The following UBR4 variants were observed in gnomAD, a reference collection of about 807,000 sequenced individuals.
UBR4 encodes the protein E3 ubiquitin-protein ligase UBR4.
Under a neutral mutation model 575.6 loss-of-function variants are expected in UBR4, and 124 were observed. That is an observed-to-expected ratio of 0.22 (90% CI 0.19 to 0.25). The LOEUF (loss-of-function observed/expected upper bound fraction) is 0.25, where lower values mean the gene tolerates loss of function less well. UBR4 is among the 10% of genes least tolerant of loss of function. The pLI is 1.00. For missense variants in UBR4, 4,818 were observed against 6,478.8 expected, an observed-to-expected ratio of 0.74 and a Z score of 8.80; for synonymous variants, 2,455 against 2,473.7, an observed-to-expected ratio of 0.99 and a Z score of 0.22.
At chr1:19,114,339 A>G (rs2080236080) in intron 75 of UBR4, among the ~76,000 whole-genome samples, 1 of 152,256 alleles carries the variant, frequency 6.6e-6, no homozygotes, top group Non-Finnish European at 1.5e-5. Context: ...TATGGCTGGA[A>G]TTAGAATTTC....
At chr1:19,076,705 G>A (rs539926656) in intron 105 of UBR4, 35 bp downstream of exon 105, 48 of 1,613,796 alleles carry the variant, frequency 3.0e-5, no homozygotes, top group East Asian at 1.8e-4. Flanking sequence ...GCTTTGCTGC[G>A]GAGGATCTTT....
chr1:19,099,439 G>A (rs368671236), intron 90 of UBR4, among the ~76,000 whole-genome samples, 158 bp downstream of exon 90: 1 of 152,272 alleles, frequency 6.6e-6, no homozygotes. Context: ...AGGAAAACAA[G>A]ATTGGTTTTC....
At chr1:19,128,066 C>G (rs185465634) in intron 62 of UBR4, 145 bp downstream of exon 62, 1 of 794,442 alleles carries the variant, frequency 1.3e-6, no homozygotes, top group Middle Eastern at 2.7e-4. Flanking sequence ...GCCCTGAATA[C>G]GCTTTTGTTG....
intron 24 of UBR4, 21 bp from the exon 25 acceptor site, chr1:19,173,114 T>C: frequency 6.2e-7 from 1 of 1,613,676 alleles, no homozygotes; most frequent in Non-Finnish European, 8.5e-7. Context: ...ATGCAAAATA[T>C]AATTAGCTGT....
In UBR4 at chr1:19,152,613, A is replaced by T; in HGVS notation, c.6833-137T>A. 1 of 1,162,296 alleles carries T rather than the reference A, an allele frequency of 8.6e-7. No individual in the cohort carries two copies. 72.0% of individuals were successfully genotyped at this position (1,162,296 alleles called of 1,614,324 possible). ...TCTGGATTATAACATTTGCATCGGCATGATGCCTACATGTGGTTAGCTCTC... is the reference window on the plus strand; with the variant it reads ...TCTGGATTATAACATTTGCATCGGCTTGATGCCTACATGTGGTTAGCTCTC... On this transcript the variant is annotated intron_variant, in intron 46 of 105. Transcript: ENST00000375254. This position sits in a 1 kb window ranked among gnomAD's most constrained non-coding sequence, Gnocchi z 4.4.
Position 19,110,063 on chromosome 1 carries a change from C to A in UBR4, c.12105+33G>T. 6.2e-7 allele frequency: 1 copy of A among 1,612,966 alleles called. No homozygotes were observed. The highest frequency in any genetic ancestry group is 1.1e-5 in the South Asian group (1 of 90,994). On this transcript the variant is annotated intron_variant, in intron 81 of 105. Coordinates refer to ENST00000375254, the MANE Select transcript of UBR4 (RefSeq NM_020765.3). The surrounding 1 kb of genome is among the most constrained non-coding windows in gnomAD (Gnocchi z 4.5). The stretch of plus-strand genomic sequence containing the variant: ...GGAATGAGGAGGGTGGCCGCCCTGC[C>A]CTTCCTTGTTAGACCCCTGCTTGGC...
chr1:19,109,469 A>G (rs2079597366), intron 81 of UBR4, among the ~76,000 whole-genome samples: 1 of 152,260 alleles, frequency 6.6e-6, no homozygotes, highest in Non-Finnish European at 1.5e-5. Flanking sequence ...AGCCTAGTAG[A>G]GAACTGACCC....
chr1:19,164,941 C>T lies in UBR4; in HGVS notation c.4369G>A (p.Ala1457Thr). The T allele has an allele frequency of 6.2e-7, 1 of 1,614,114 alleles. No homozygotes were observed. The highest frequency in any genetic ancestry group is 8.5e-7 in the Non-Finnish European group (1 of 1,180,026). The stretch of plus-strand genomic sequence containing the variant: ...TGCAGGCGCACAGGTTCCACACAGG[C>T]CAGTTGTGCCAGGGAGCCACAGAGA... ...LHLCGSLAQL[A>T]CVEPVRLQAW... The change falls in exon 32 of 106, where the codon GCC becomes ACC. Residue 1457 changes from alanine to threonine, a missense_variant. By Grantham distance (58) the Ala-to-Thr change is moderately conservative. Around this residue, in one of 29 missense-constraint regions of UBR4, gnomAD observed 1,172 missense variants for 1,259.7 expected, o/e 0.93. Coordinates refer to ENST00000375254, the MANE Select transcript of UBR4 (RefSeq NM_020765.3).
Position 19,117,732 on chromosome 1 carries a change from G to C in UBR4, c.10629+91C>G. The C allele has an allele frequency of 8.0e-7, 1 of 1,251,220 alleles. No individual in the cohort carries two copies. The highest frequency in any genetic ancestry group is 1.2e-6 in the Non-Finnish European group (1 of 862,770). 77.5% of individuals were successfully genotyped at this position (1,251,220 alleles called of 1,614,324 possible). ...TATCGGTGACCAACCATTAGGAGAG[G>C]AACATCTATGTGATAATGATCCATC... On this transcript the variant is annotated intron_variant, in intron 72 of 105. Coordinates refer to ENST00000375254, the MANE Select transcript of UBR4 (RefSeq NM_020765.3). This position sits in a 1 kb window ranked among gnomAD's most constrained non-coding sequence, Gnocchi z 4.0.
At chr1:19,106,042 C>T (rs778517506) in intron 83 of UBR4, among the ~76,000 whole-genome samples, 200 bp from the exon 84 acceptor site, 4 of 152,204 alleles carry the variant, frequency 2.6e-5, no homozygotes, top group Non-Finnish European at 5.9e-5. Context: ...AAGAGCCCTG[C>T]TTCTGCCTGG....
In UBR4 at chr1:19,148,134, C is replaced by CA; in HGVS notation, c.7495-8dup. On this transcript the variant is annotated splice_region_variant and splice_polypyrimidine_tract_variant and intron_variant, in intron 50 of 105. Transcript: ENST00000375254. ...CAGCATTCTTGTTTCTCTCCTAAGG[C>CA]AAAAGACAGCAGGGTTATCACTAAC... 6.2e-7 allele frequency: 1 copy of CA among 1,601,278 alleles called. No homozygotes were observed. The highest frequency in any genetic ancestry group is 8.5e-7 in the Non-Finnish European group (1 of 1,176,432).
intron 73 of UBR4, 48 bp from the exon 74 acceptor site, chr1:19,115,685 A>G (rs1239930776): frequency 2.0e-5 from 32 of 1,604,786 alleles, no homozygotes; most frequent in African/African-American, 4.0e-5. Flanking sequence ...ACCCTCAGTG[A>G]TAACAGTCTG....
Position 19,174,306 on chromosome 1 carries a change from T to G in UBR4, c.2982+13A>C, listed in dbSNP as rs762995011. 6 of 1,605,798 alleles carry G rather than the reference T, an allele frequency of 3.7e-6. No homozygotes were observed. In the African/African-American group the frequency reaches 8.0e-5, roughly 22 times the overall value. On this transcript the variant is annotated intron_variant, in intron 22 of 105. Coordinates refer to ENST00000375254, the MANE Select transcript of UBR4 (RefSeq NM_020765.3). ...ACACAACCCAAAGACTTCTCAGGGT[T>G]CCATGGTCTTACCAAGGCTGTTACA...
chr1:19,144,381 A>G (rs1272733859), intron 54 of UBR4, among the ~76,000 whole-genome samples: 5 of 152,208 alleles, frequency 3.3e-5, no homozygotes, highest in Admixed American at 2.0e-4. Flanking sequence ...CTGGCTTTTT[A>G]TCAGATGATC....
In UBR4 at chr1:19,121,967, T is replaced by C. The variant is rs148226782; in HGVS notation, c.9862A>G (p.Ile3288Val). 74 of 1,614,084 alleles carry C rather than the reference T, an allele frequency of 4.6e-5. No homozygotes were observed. Among genetic ancestry groups the C allele is most frequent in the Middle Eastern group, 1.6e-4 (1 of 6,082 alleles). Reference protein sequence around the residue: ...ACAEIAAQRTINWQKFCIKDD... With the variant: ...ACAEIAAQRTVNWQKFCIKDD... ...TTGATGCAGAATTTCTGCCAGTTGA[T>C]GGTTCGCTGGGCGGCAATCTCTGCA... is the stretch of plus-strand genomic sequence containing the variant. Residue 3288 changes from isoleucine to valine, a missense_variant, in exon 67 of 106, where the codon ATC becomes GTC. Around this residue, in one of 29 missense-constraint regions of UBR4, gnomAD observed 550 missense variants for 791.5 expected, o/e 0.69. Coordinates refer to ENST00000375254, the MANE Select transcript of UBR4 (RefSeq NM_020765.3).
chr1:19,126,678 A>G, intron 63 of UBR4, 23 bp from the exon 64 acceptor site: 1 of 1,608,314 alleles, frequency 6.2e-7, no homozygotes, highest in Non-Finnish European at 8.5e-7. Context: ...GAAAATACAG[A>G]GATGGGAAGA....
At chr1:19,167,347 G>C in intron 28 of UBR4, 116 bp from the exon 29 acceptor site, 1 of 1,024,498 alleles carries the variant, frequency 9.8e-7, no homozygotes, top group Non-Finnish European at 1.5e-6. Context: ...ATTGCGCAAG[G>C]GCCTTTATTC....
In UBR4 at chr1:19,173,563, G is replaced by A; in HGVS notation, c.3041C>T (p.Pro1014Leu). 1 of 1,614,076 alleles carries A rather than the reference G, an allele frequency of 6.2e-7. No homozygotes were observed. Among genetic ancestry groups the A allele is most frequent in the South Asian group, 1.1e-5 (1 of 91,074 alleles). ...LILWRILGIL[P>L]PSKTYINQLS... ...CTGGTTAATGTAAGTCTTTGATGGT[G>A]GTAAAATTCCTAGGATCCTCCACAG... The change falls in exon 23 of 106, where the codon CCA becomes CTA. Residue 1014 changes from proline (P) to leucine (L), a missense_variant. Coordinates refer to ENST00000375254, the MANE Select transcript of UBR4 (RefSeq NM_020765.3).
rs528290470 is a variant in UBR4, at chr1:19,122,931, T to A, written c.9718A>T (p.Ile3240Phe). The A allele has an allele frequency of 6.8e-6, 11 of 1,614,208 alleles. No homozygotes were observed. In the African/African-American group the frequency reaches 1.5e-4, roughly 22 times the overall value. ...LHTLDSHVRG[I>F]KKLLEEQGIF... ...CCCTGCTCTTCTAGCAGCTTCTTGA[T>A]CCCACGCACGTGAGAGTCCAGGGTG... Residue 3240 changes from isoleucine (I) to phenylalanine (F), a missense_variant, in exon 66 of 106, where the codon ATC becomes TTC. Physicochemically the swap from Ile to Phe is conservative, Grantham distance 21 (BLOSUM62 0). Coordinates refer to ENST00000375254, the MANE Select transcript of UBR4 (RefSeq NM_020765.3).
Sources: allele counts gnomAD v4.1 joint callset (sites outside exome capture counted in the v4.1 genomes callset), GRCh38; gene constraint gnomAD v4.1.1; regional missense constraint gnomAD v4.1.1; non-coding constraint Gnocchi (gnomAD v3.1); transcripts MANE v1.5; gene names NCBI Gene and HGNC (gene_info 2026-07-23, HGNC 2026-07-21).